NCKIPSD: variants seen among roughly 807,000 people sequenced by gnomAD.
NCKIPSD encodes NCK-interacting protein with SH3 domain.
Under a neutral mutation model 73.4 loss-of-function variants are expected in NCKIPSD, and 48 were observed. The observed-to-expected ratio is 0.65, with a 90% CI of 0.52 to 0.83. The LOEUF is 0.83. NCKIPSD is among the 40% of genes least tolerant of loss of function. The pLI is 0.00. For missense variants in NCKIPSD, 884 were observed against 970.2 expected (o/e 0.91, Z 1.18); for synonymous variants, 422 against 403.6 (o/e 1.05, Z -0.54).
At chr3:48,681,815 C>G (rs1488993081) in intron 4 of NCKIPSD, 35 bp from the exon 5 acceptor site, 1 of 1,464,082 alleles carries the variant, frequency 6.8e-7, no homozygotes, top group South Asian at 1.4e-5. Context: ...GCCAGGGCAG[C>G]CCCCTGGAAA....
chr3:48,677,501 A>AC (rs1410561603), intron 12 of NCKIPSD, among the ~76,000 whole-genome samples: 2 of 152,084 alleles, frequency 1.3e-5, no homozygotes, highest in African/African-American at 2.4e-5. Context: ...AAAATTCACA[A>AC]GAGTTGTCTC....
rs767799820 is a variant in NCKIPSD at position 48,682,565 on chromosome 3, C to T, written c.282-13G>A. 1.2e-6 allele frequency: 2 copies of T among 1,613,552 alleles called. No individual in the cohort carries two copies. The highest frequency in any genetic ancestry group is 4.5e-5 in the East Asian group (2 of 44,874). On this transcript the variant is annotated splice_polypyrimidine_tract_variant and intron_variant, in intron 2 of 12. Coordinates refer to ENST00000294129, the MANE Select transcript of NCKIPSD (RefSeq NM_016453.4). ...GTGGATCAGCTTCCTGATGGAAGGA[C>T]AGGAAGACTATTGGGGGGTTGCATC...
chr3:48,674,782 G>A (rs777785012), intron 12 of NCKIPSD, 35 bp from the exon 13 acceptor site: 1 of 1,606,418 alleles, frequency 6.2e-7, no homozygotes, highest in East Asian at 2.2e-5. Flanking sequence ...GGGACCCCAG[G>A]GAGGTACTGC....
rs774189813 is a variant in NCKIPSD at position 48,679,462 on chromosome 3, G to A, written c.1490-5C>T. On this transcript the variant is annotated splice_region_variant and splice_polypyrimidine_tract_variant and intron_variant, in intron 8 of 12. Transcript: ENST00000294129. Reference sequence around the variant, plus strand: ...AGTAACAGAGTTTCTGGTGGTCTGGGGGGGACAAGGCAGGCAGTCAGAGTC... The same window carrying A: ...AGTAACAGAGTTTCTGGTGGTCTGGAGGGGACAAGGCAGGCAGTCAGAGTC... 10 of 1,611,136 alleles carry A rather than the reference G, an allele frequency of 6.2e-6. No homozygotes were observed. Among genetic ancestry groups the A allele is most frequent in the South Asian group, 1.1e-5 (1 of 90,774 alleles).
At position 48,679,390 on chromosome 3, in the gene NCKIPSD, G is replaced by A. The variant is rs140493957; in HGVS notation, c.1557C>T (p.Pro519=). The A allele has an allele frequency of 1.3e-4, 207 of 1,614,058 alleles. No homozygotes were observed. The highest frequency in any genetic ancestry group is 1.6e-4 in the Non-Finnish European group (193 of 1,180,028). Residue 519 remains proline, a synonymous_variant, in exon 9 of 13, where the codon CCC becomes CCT. Transcript: ENST00000294129. ...CTGCATTCTTACCATAGTGTGCATAGGGCACTGCCTCTCCCATGGAGAAGA... is the reference window on the plus strand; with the variant it reads ...CTGCATTCTTACCATAGTGTGCATAAGGCACTGCCTCTCCCATGGAGAAGA... ...AMVFSMGEAV[P]YAHYEHLGTP...
intron 12 of NCKIPSD, among the ~76,000 whole-genome samples, chr3:48,675,519 T>G (rs1281635596): frequency 1.2e-5 from 1 of 84,128 alleles, no homozygotes; most frequent in African/African-American, 6.9e-5. Flanking sequence ...CATATATATA[T>G]ATATATATGA....
In NCKIPSD at chr3:48,674,710, A is replaced by C; in HGVS notation, c.2003T>G (p.Val668Gly). The part of the protein sequence containing the change: ...MEYLSLMHAI[V>G]RTTPYLQHRH... ...GTGCTGCAGGTAGGGTGTGGTGCGGACTATAGCATGCATCAGGGAGAGGTA... is the reference window on the plus strand; with the variant it reads ...GTGCTGCAGGTAGGGTGTGGTGCGGCCTATAGCATGCATCAGGGAGAGGTA... The change falls in exon 13 of 13, where the codon GTC becomes GGC. Residue 668 changes from valine (V) to glycine (G), a missense_variant. By Grantham distance (109) the Val-to-Gly change is moderately radical. Coordinates refer to ENST00000294129, the MANE Select transcript of NCKIPSD (RefSeq NM_016453.4). 4 of 1,613,964 alleles carry C rather than the reference A, an allele frequency of 2.5e-6. No individual in the cohort carries two copies. Among genetic ancestry groups the C allele is most frequent in the Non-Finnish European group, 3.4e-6 (4 of 1,179,972 alleles).
At position 48,679,511 on chromosome 3, in the gene NCKIPSD, G is replaced by A. The variant is rs959516654; in HGVS notation, c.1490-54C>T. Reference sequence around the variant, plus strand: ...TCCCCAAAGATGGCAGGAAACCCCAGCAGATGGCAGGAACACCCTCCAGAT... The same window carrying A: ...TCCCCAAAGATGGCAGGAAACCCCAACAGATGGCAGGAACACCCTCCAGAT... On this transcript the variant is annotated intron_variant, in intron 8 of 12. Transcript: ENST00000294129. 8 of 1,607,008 alleles carry A rather than the reference G, an allele frequency of 5.0e-6. No individual in the cohort carries two copies. In the South Asian group the frequency reaches 8.9e-5, roughly 18 times the overall value.
At chr3:48,681,158 C>T in intron 5 of NCKIPSD, 129 bp downstream of exon 5, 1 of 1,360,984 alleles carries the variant, frequency 7.3e-7, no homozygotes, top group South Asian at 1.5e-5. Flanking sequence ...TCAACGTCCC[C>T]AGTGCCCAGC....
intron 2 of NCKIPSD, 56 bp from the exon 3 acceptor site, chr3:48,682,608 C>CA: frequency 6.3e-7 from 1 of 1,583,636 alleles, no homozygotes; most frequent in East Asian, 2.2e-5. Context: ...TCAAAGTCCT[C>CA]ATATGCCCCT....
chr3:48,679,039 C>G lies in NCKIPSD; in HGVS notation c.1699+16G>C. On this transcript the variant is annotated intron_variant, in intron 10 of 12. Transcript: ENST00000294129. ...CACCATGTGCTCAGCCACCGCCCAGCCAGGCCCCACCCCACCTGGCAGGTG... is the reference window on the plus strand; with the variant it reads ...CACCATGTGCTCAGCCACCGCCCAGGCAGGCCCCACCCCACCTGGCAGGTG... The G allele has an allele frequency of 6.2e-7, 1 of 1,614,152 alleles. No homozygotes were observed. Among genetic ancestry groups the G allele is most frequent in the Non-Finnish European group, 8.5e-7 (1 of 1,180,026 alleles).
rs772773283 is a variant in NCKIPSD, at chr3:48,678,643, G to A, written c.1886C>T (p.Ala629Val). 27 of 1,614,108 alleles carry A rather than the reference G, an allele frequency of 1.7e-5. No homozygotes were observed. The African/African-American group carries it at 3.5e-4, about 21-fold the overall frequency. The change falls in exon 12 of 13, where the codon GCC becomes GTC. Residue 629 changes from alanine (A) to valine (V), a missense_variant. Coordinates refer to ENST00000294129, the MANE Select transcript of NCKIPSD (RefSeq NM_016453.4). ...CATCATGTCTGTGTGGTAGAAGATGGCAGCTGTGGCCGGGCTGCCAAACAC... is the reference window on the plus strand; with the variant it reads ...CATCATGTCTGTGTGGTAGAAGATGACAGCTGTGGCCGGGCTGCCAAACAC... ...QDVFGSPATA[A>V]IFYHTDMMAL... is the part of the protein sequence containing the mutation.
In NCKIPSD at chr3:48,680,118, C is replaced by T; in HGVS notation, c.1204G>A (p.Ala402Thr). The change falls in exon 6 of 13, where the codon GCA (alanine) becomes ACA (threonine). Residue 402 changes from alanine (A) to threonine (T), a missense_variant. Transcript: ENST00000294129. The part of the protein sequence containing the change: ...RKDDAQQRSW[A>T]LYEDEGVIRC... ...ATGACACCCTCATCCTCATATAGTG[C>T]CCAACTGCGCTGCTGGGCGTCGTCC... 1.9e-6 allele frequency: 3 copies of T among 1,614,108 alleles called. No individual in the cohort carries two copies. Among genetic ancestry groups the T allele is most frequent in the Non-Finnish European group, 2.5e-6 (3 of 1,180,018 alleles).
Position 48,682,682 on chromosome 3 carries a change from C to T in NCKIPSD, c.282-130G>A, listed in dbSNP as rs75807740. 3,245 of 1,201,478 alleles carry T rather than the reference C, an allele frequency of 2.7e-3. 64 individuals carry two copies. In the African/African-American group the frequency reaches 0.044, roughly 16 times the overall value. The allele number at this position is 1,201,478 out of a possible 1,614,324, so 74.4% of individuals were successfully genotyped here. A position where few individuals can be genotyped will look rare whatever the true frequency, so the allele number is the denominator to read the frequency against. Reference sequence around the variant, plus strand: ...ATCCCCATCTCCTCCATGCTCCACCCCAGCCTACAGTACCCCATACTATCC... The same window carrying T: ...ATCCCCATCTCCTCCATGCTCCACCTCAGCCTACAGTACCCCATACTATCC... On this transcript the variant is annotated intron_variant, in intron 2 of 12. Transcript: ENST00000294129.
At chr3:48,677,664 T>C (rs2077276009) in intron 12 of NCKIPSD, among the ~76,000 whole-genome samples, 1 of 152,178 alleles carries the variant, frequency 6.6e-6, no homozygotes, top group African/African-American at 2.4e-5. Flanking sequence ...CCAACCCCAG[T>C]CTCGCTCAGG....
intron 1 of NCKIPSD, among the ~76,000 whole-genome samples, chr3:48,685,299 A>G (rs2077420002): frequency 6.6e-6 from 1 of 151,402 alleles, no homozygotes; most frequent in South Asian, 2.1e-4. Context: ...GGATTTGAAT[A>G]ATTGGCCAGG....
intron 2 of NCKIPSD, 72 bp downstream of exon 2, chr3:48,682,831 A>G: frequency 6.6e-7 from 1 of 1,509,234 alleles, no homozygotes. Flanking sequence ...CACCTGCCCC[A>G]TGACACTCAT....
Position 48,685,620 on chromosome 3 carries a change from G to C in NCKIPSD, c.171+17C>G. The C allele has an allele frequency of 6.6e-7, 1 of 1,514,978 alleles. No homozygotes were observed. The allele number at this position is 1,514,978 out of a possible 1,614,324, so 93.8% of individuals were successfully genotyped here. A position where few individuals can be genotyped will look rare whatever the true frequency, so the allele number is the denominator to read the frequency against. ...GCCCCAGGGGCGCGGAGGCCGGGCG[G>C]GAAGGGGCGCACTCACCTGCAGGCG... On this transcript the variant is annotated intron_variant, in intron 1 of 12. Transcript: ENST00000294129.
chr3:48,679,821 A>G lies in NCKIPSD; in HGVS notation c.1330T>C (p.Leu444=). Residue 444 remains leucine, a synonymous_variant, in exon 7 of 13, where the codon TTG becomes CTG. Transcript: ENST00000294129. ...KRNEFESVLA[L]VAYYQMEHRA... ...CATACCATTTGGTAATAGGCCACCA[A>G]GGCCAGGACAGACTCGAACTCGTTT... 6.2e-7 allele frequency: 1 copy of G among 1,614,240 alleles called. No homozygotes were observed. Among genetic ancestry groups the G allele is most frequent in the Non-Finnish European group, 8.5e-7 (1 of 1,180,032 alleles).
Sources: allele counts gnomAD v4.1 joint callset (sites outside exome capture counted in the v4.1 genomes callset), GRCh38; gene constraint gnomAD v4.1.1; transcripts MANE v1.5; gene names NCBI Gene and HGNC (gene_info 2026-07-23, HGNC 2026-07-21).